The following AAGAB variants were observed in gnomAD, a reference collection of about 807,000 sequenced individuals.
AAGAB encodes alpha and gamma adaptin binding protein, also known as alpha- and gamma-adaptin-binding protein p34.
In AAGAB, 38 loss-of-function variants were observed where a neutral mutation model predicts 44.1. That is an observed-to-expected ratio of 0.86 (90% confidence interval 0.67 to 1.13). The LOEUF is 1.13. Ranked by LOEUF, AAGAB falls within the 50% of genes most tolerant of loss-of-function variation. The probability of loss-of-function intolerance (pLI) is 0.00; values close to 1 mark genes in which losing one functional copy is unlikely to be tolerated. For synonymous variants in AAGAB, 131 were observed against 131.8 expected, an observed-to-expected ratio of 0.99 and a Z score of 0.04; for missense variants, 450 against 373.8, an observed-to-expected ratio of 1.20 and a Z score of -1.68.
At chr15:67,206,339 G>A (rs1268488479) in intron 7 of AAGAB, among the ~76,000 whole-genome samples, 1 of 152,172 alleles carries the variant, frequency 6.6e-6, no homozygotes, top group Non-Finnish European at 1.5e-5. Context: ...CATAATTAAA[G>A]TGGCTGGCAT....
chr15:67,246,474 G>T (rs1307836526), intron 1 of AAGAB, among the ~76,000 whole-genome samples: 1 of 151,712 alleles, frequency 6.6e-6, no homozygotes. Context: ...TCCTGAATAA[G>T]AATTATTAGA....
chr15:67,208,417 G>C (rs1963733115), intron 7 of AAGAB, 145 bp downstream of exon 7: 1 of 603,648 alleles, frequency 1.7e-6, no homozygotes, highest in Non-Finnish European at 2.9e-6. Context: ...ATAGCCACTG[G>C]CAAGGCTCAC....
At chr15:67,209,413 G>T in intron 6 of AAGAB, 49 bp downstream of exon 6, 1 of 1,388,750 alleles carries the variant, frequency 7.2e-7, no homozygotes, top group Non-Finnish European at 1.0e-6. Context: ...ATAATGACAA[G>T]GAGAAATTAA....
At chr15:67,253,781 A>C (rs1964971030) in intron 1 of AAGAB, among the ~76,000 whole-genome samples, 1 of 151,900 alleles carries the variant, frequency 6.6e-6, no homozygotes, top group Non-Finnish European at 1.5e-5. Context: ...AAAAGAAGGA[A>C]GGAATGTAGG....
intron 1 of AAGAB, among the ~76,000 whole-genome samples, chr15:67,245,071 G>C (rs897698227): frequency 1.3e-5 from 2 of 152,072 alleles, no homozygotes; most frequent in African/African-American, 4.8e-5. Flanking sequence ...ATAAAATGGT[G>C]CAGCCACTCT....
intron 5 of AAGAB, among the ~76,000 whole-genome samples, chr15:67,223,325 C>T (rs1451799773): frequency 6.6e-6 from 1 of 152,194 alleles, no homozygotes; most frequent in African/African-American, 2.4e-5. Flanking sequence ...GTAGCCATGT[C>T]AAACTCAACA....
At chr15:67,230,871 T>C (rs1964318309) in intron 5 of AAGAB, among the ~76,000 whole-genome samples, 1 of 152,164 alleles carries the variant, frequency 6.6e-6, no homozygotes, top group Non-Finnish European at 1.5e-5. Context: ...CTTTCTTCAA[T>C]TGCCAAACCT....
intron 5 of AAGAB, among the ~76,000 whole-genome samples, chr15:67,227,803 T>C (rs1964239443): frequency 6.6e-6 from 1 of 152,174 alleles, no homozygotes; most frequent in Non-Finnish European, 1.5e-5. Flanking sequence ...CCTTCACACT[T>C]CCTAAGACCT....
chr15:67,229,709 T>G (rs1355027264), intron 5 of AAGAB, among the ~76,000 whole-genome samples: 1 of 152,018 alleles, frequency 6.6e-6, no homozygotes, highest in Non-Finnish European at 1.5e-5. Context: ...AGCTAAAGGG[T>G]GCCAATCTCA....
intron 1 of AAGAB, among the ~76,000 whole-genome samples, chr15:67,244,730 A>AT (rs1964680618): frequency 6.7e-6 from 1 of 150,018 alleles, no homozygotes; most frequent in African/African-American, 2.5e-5. Context: ...CTTGAACCCC[A>AT]GAGGCGGAGG....
chr15:67,213,395 T>G (rs1316950843), intron 5 of AAGAB, among the ~76,000 whole-genome samples: 1 of 152,148 alleles, frequency 6.6e-6, no homozygotes, highest in African/African-American at 2.4e-5. Context: ...TATATGAAAT[T>G]ATTTGCCACC....
chr15:67,204,642 A>G (rs1180086366), intron 7 of AAGAB, among the ~76,000 whole-genome samples: 1 of 152,198 alleles, frequency 6.6e-6, no homozygotes, highest in Non-Finnish European at 1.5e-5. Context: ...TGAAAAAAAA[A>G]CCTGTATCTA....
intron 5 of AAGAB, among the ~76,000 whole-genome samples, chr15:67,217,067 C>T (rs1963968147): frequency 6.6e-6 from 1 of 151,702 alleles, no homozygotes; most frequent in East Asian, 1.9e-4. Context: ...CACATACACC[C>T]ACACACACAG....
At chr15:67,204,853 G>C (rs1963650741) in intron 7 of AAGAB, among the ~76,000 whole-genome samples, 1 of 152,130 alleles carries the variant, frequency 6.6e-6, no homozygotes, top group African/African-American at 2.4e-5. Flanking sequence ...CACTTTCACA[G>C]GTCTCCTTCC....
chr15:67,220,200 T>C (rs1460468105), intron 5 of AAGAB, among the ~76,000 whole-genome samples: 2 of 152,206 alleles, frequency 1.3e-5, no homozygotes, highest in Non-Finnish European at 2.9e-5. Context: ...AAAAGATCTA[T>C]TTAAAAGAAA....
At chr15:67,255,151 C>T, upstream of AAGAB, 1 of 605,312 alleles carries the variant, frequency 1.7e-6, no homozygotes, top group Non-Finnish European at 3.0e-6. Context: ...TAGGTTACGC[C>T]CCAGAAGCAG....
Position 67,236,025 on chromosome 15 carries a change from G to A in AAGAB, c.405C>T (p.Gly135=), listed in dbSNP as rs188253490. Residue 135 remains glycine, a synonymous_variant, in exon 4 of 10, where the codon GGC becomes GGT. Transcript: ENST00000261880. ...CTGGACTAAGTTCTACCAATTCAAA[G>A]CCATGTTTGATGCACCATTCTTGAG... ...QKAQEWCIKH[G]FELVELSPEE... is the part of the protein sequence containing the mutation. 3.2e-5 allele frequency: 52 copies of A among 1,613,470 alleles called. No homozygotes were observed. In the East Asian group the frequency reaches 1.2e-3, roughly 36 times the overall value.
chr15:67,247,985 C>A (rs1964768440), intron 1 of AAGAB, among the ~76,000 whole-genome samples: 2 of 152,206 alleles, frequency 1.3e-5, no homozygotes, highest in South Asian at 4.1e-4. Context: ...GGAATTGAAT[C>A]TTAGCTCCCC....
chr15:67,240,175 TGCA>T lies in AAGAB; in HGVS notation c.74-3358_74-3356del, dbSNP rs371889988. Among the ~76,000 whole-genome samples, 7 of 152,360 alleles carry T rather than the reference TGCA, an allele frequency of 4.6e-5. No individual in the cohort carries two copies. The East Asian group carries it at 1.3e-3, about 29-fold the overall frequency. On this transcript the variant is annotated intron_variant, in intron 1 of 9. Coordinates refer to ENST00000261880, the MANE Select transcript of AAGAB (RefSeq NM_024666.5). Reference sequence around the variant, plus strand: ...ATAGGGGCACAATTATATACGGATCTGCAGCACAATTAACCCATCAGAAAACTG... The same window carrying T: ...ATAGGGGCACAATTATATACGGATCTGCACAATTAACCCATCAGAAAACTG...
Sources: allele counts gnomAD v4.1 joint callset (sites outside exome capture counted in the v4.1 genomes callset), GRCh38; gene constraint gnomAD v4.1.1; transcripts MANE v1.5; gene names NCBI Gene and HGNC (gene_info 2026-07-23, HGNC 2026-07-21).